The following FBXL17 variants were observed in gnomAD, a reference collection of about 807,000 sequenced individuals.
FBXL17 encodes the protein F-box/LRR-repeat protein 17.
Under a neutral mutation model 66.2 loss-of-function variants are expected in FBXL17, and 22 were observed. The ratio of observed to expected loss-of-function variants is 0.33; its 90% CI spans 0.24 to 0.47. FBXL17 has a LOEUF of 0.47. Ranked by LOEUF, FBXL17 falls within the 20% of genes least tolerant of loss-of-function variation. The pLI, the probability that FBXL17 is intolerant of heterozygous loss-of-function variation, is 1.00. For synonymous variants in FBXL17, 474 were observed against 400.5 expected, an observed-to-expected ratio of 1.18 and a Z score of -2.19; for missense variants, 878 against 948.2, an observed-to-expected ratio of 0.93 and a Z score of 0.97.
chr5:107,982,459 C>A (rs200078682), intron 7 of FBXL17, among the ~76,000 whole-genome samples: 3 of 149,528 alleles, frequency 2.0e-5, no homozygotes, highest in Non-Finnish European at 4.5e-5. Flanking sequence ...AAAAAAAAAA[C>A]AAAAAAAACC....
At chr5:108,100,607 A>C (rs1749563556) in intron 6 of FBXL17, among the ~76,000 whole-genome samples, 1 of 152,204 alleles carries the variant, frequency 6.6e-6, no homozygotes, top group African/African-American at 2.4e-5. Context: ...ACAGAATTAA[A>C]ATATGCTTTA....
At chr5:108,313,768 C>G (rs1018604040) in intron 4 of FBXL17, among the ~76,000 whole-genome samples, 2 of 151,876 alleles carry the variant, frequency 1.3e-5, no homozygotes, top group African/African-American at 2.4e-5. Context: ...AATATCTGTA[C>G]GTTGTAGTCA....
chr5:107,879,342 C>CT (rs1748707541), intron 8 of FBXL17: 1 of 985,288 alleles, frequency 1.0e-6, no homozygotes. Flanking sequence ...TTCTAGAGGA[C>CT]TATGCCTATG....
At chr5:108,321,295 G>C (rs1759608418) in intron 4 of FBXL17, among the ~76,000 whole-genome samples, 1 of 151,682 alleles carries the variant, frequency 6.6e-6, no homozygotes, top group Admixed American at 6.6e-5. Context: ...AGTGTCTATG[G>C]GTAGAGGTAA....
At chr5:107,984,758 T>C (rs1318072140) in intron 7 of FBXL17, among the ~76,000 whole-genome samples, 2 of 152,240 alleles carry the variant, frequency 1.3e-5, no homozygotes, top group Non-Finnish European at 2.9e-5. Context: ...AGATCAGATA[T>C]ACTTAAATAT....
chr5:108,026,715 C>T (rs1251750163), intron 6 of FBXL17, among the ~76,000 whole-genome samples: 2 of 152,134 alleles, frequency 1.3e-5, no homozygotes, highest in African/African-American at 4.8e-5. Flanking sequence ...CTCTAGAAAG[C>T]CAATATCTGA....
chr5:108,001,369 C>A (rs1432495833), intron 7 of FBXL17, among the ~76,000 whole-genome samples: 1 of 152,000 alleles, frequency 6.6e-6, no homozygotes, highest in Non-Finnish European at 1.5e-5. Flanking sequence ...ATTGCTTCAT[C>A]ATTTAAAATG....
intron 4 of FBXL17, among the ~76,000 whole-genome samples, chr5:108,300,816 T>C (rs956159912): frequency 2.6e-5 from 4 of 151,832 alleles, no homozygotes; most frequent in Admixed American, 2.0e-4. Context: ...GTGTTATATA[T>C]GTAAGAGTAA....
intron 6 of FBXL17, among the ~76,000 whole-genome samples, chr5:108,149,733 GA>G (rs1312176300): frequency 6.6e-6 from 1 of 152,002 alleles, no homozygotes; most frequent in Non-Finnish European, 1.5e-5. Context: ...ACTGTGAACG[GA>G]AAAAAATAGC....
chr5:108,149,988 GAA>G (rs1312559453), intron 6 of FBXL17, among the ~76,000 whole-genome samples: 2 of 152,032 alleles, frequency 1.3e-5, no homozygotes, highest in Non-Finnish European at 2.9e-5. Flanking sequence ...ACTAAAAAAA[GAA>G]AGAGTAGAAT....
chr5:107,966,486 G>A (rs1446961549), intron 7 of FBXL17, among the ~76,000 whole-genome samples: 1 of 152,074 alleles, frequency 6.6e-6, no homozygotes, highest in African/African-American at 2.4e-5. Flanking sequence ...AGATCCAGTT[G>A]TAACTTACAC....
intron 6 of FBXL17, among the ~76,000 whole-genome samples, chr5:108,033,327 G>A (rs1746712752): frequency 1.3e-5 from 2 of 152,076 alleles, no homozygotes; most frequent in South Asian, 4.1e-4. Flanking sequence ...AACTACAGAT[G>A]AATGTTTGTT....
intron 7 of FBXL17, among the ~76,000 whole-genome samples, chr5:107,974,419 T>A (rs1752504233): frequency 1.3e-5 from 2 of 152,146 alleles, no homozygotes; most frequent in South Asian, 4.1e-4. Context: ...AATTATGTCT[T>A]AATACTTATA....
At chr5:108,007,660 T>C (rs1400211203) in intron 7 of FBXL17, among the ~76,000 whole-genome samples, 1 of 144,432 alleles carries the variant, frequency 6.9e-6, no homozygotes, top group Non-Finnish European at 1.5e-5. Flanking sequence ...ATACGGTATG[T>C]AGGCTACTAA....
rs1239623239 is a variant in FBXL17, at chr5:108,213,102, C to T, written c.1614+11019G>A. Among the ~76,000 whole-genome samples the T allele has an allele frequency of 2.0e-5, 3 of 152,266 alleles. No individual in the cohort carries two copies. The East Asian group carries it at 5.8e-4, about 30-fold the overall frequency. Reference sequence around the variant, plus strand: ...TCAGTGGCTTTGTTTACACTGTGAGCTTAAAACCGCCTACTCAAGCCTCAG... The same window carrying T: ...TCAGTGGCTTTGTTTACACTGTGAGTTTAAAACCGCCTACTCAAGCCTCAG... On this transcript the variant is annotated intron_variant, in intron 5 of 8. Coordinates refer to ENST00000542267, the MANE Select transcript of FBXL17 (RefSeq NM_001163315.3).
intron 6 of FBXL17, among the ~76,000 whole-genome samples, chr5:108,065,700 T>C (rs997613899): frequency 1.3e-5 from 2 of 152,106 alleles, no homozygotes; most frequent in African/African-American, 4.8e-5. Context: ...AGAAATGAAT[T>C]AGGTCCAACA....
chr5:108,030,096 T>C (rs1754979932), intron 6 of FBXL17, among the ~76,000 whole-genome samples: 1 of 152,186 alleles, frequency 6.6e-6, no homozygotes, highest in Non-Finnish European at 1.5e-5. Flanking sequence ...AACAAATATA[T>C]TTTTTCCTTA....
chr5:108,138,436 G>A (rs1196198349), intron 6 of FBXL17, among the ~76,000 whole-genome samples: 1 of 152,132 alleles, frequency 6.6e-6, no homozygotes, highest in African/African-American at 2.4e-5. Context: ...ATTGTGTGTA[G>A]ATATCATACG....
chr5:107,968,126 T>C (rs1752225515), intron 7 of FBXL17, among the ~76,000 whole-genome samples: 2 of 151,988 alleles, frequency 1.3e-5, no homozygotes, highest in Non-Finnish European at 2.9e-5. Context: ...AGGAATAGAG[T>C]AACAAGGGCA....
Sources: allele counts gnomAD v4.1 joint callset (sites outside exome capture counted in the v4.1 genomes callset), GRCh38; gene constraint gnomAD v4.1.1; transcripts MANE v1.5; gene names NCBI Gene and HGNC (gene_info 2026-07-23, HGNC 2026-07-21).